CHIA: variants seen among roughly 807,000 people sequenced by gnomAD.
CHIA encodes the protein acidic mammalian chitinase.
CHIA carries 47 observed loss-of-function variants against 53.5 expected under a neutral mutation model. The ratio of observed to expected loss-of-function variants is 0.88; its 90% confidence interval spans 0.70 to 1.12. The LOEUF (loss-of-function observed/expected upper bound fraction) is 1.12, where lower values mean the gene tolerates loss of function less well. CHIA is among the 50% of genes most tolerant of loss of function. The pLI is 0.00. For missense variants in CHIA, 652 were observed against 592.2 expected, an observed-to-expected ratio of 1.10 and a Z score of -1.05; for synonymous variants, 268 against 222.2, an observed-to-expected ratio of 1.21 and a Z score of -1.83.
intron 1 of CHIA, among the ~76,000 whole-genome samples, chr1:111,291,844 G>T (rs1361112016): frequency 6.6e-6 from 1 of 150,882 alleles, no homozygotes; most frequent in Non-Finnish European, 1.5e-5. Flanking sequence ...GGGGGGTGGG[G>T]GTAGGGAAAG....
rs769643079 is a variant in CHIA at position 111,320,504 on chromosome 1, T to C, written c.*38T>C. ...CTATATTCCCTAGAGTTCCAGTCTC[T>C]TTTGCTTAGGACATGTTGCCCCTAC... is the stretch of plus-strand genomic sequence containing the variant. On this transcript the variant is annotated 3_prime_UTR_variant, in exon 12 of 12. Transcript: ENST00000369740. The C allele has an allele frequency of 8.2e-6, 13 of 1,592,152 alleles. No homozygotes were observed. Among genetic ancestry groups the C allele is most frequent in the Non-Finnish European group, 1.0e-5 (12 of 1,162,568 alleles).
intron 1 of CHIA, among the ~76,000 whole-genome samples, chr1:111,296,552 A>G (rs1661349918): frequency 1.3e-5 from 2 of 152,210 alleles, no homozygotes; most frequent in South Asian, 4.1e-4. Flanking sequence ...AATCCACACC[A>G]AAACCCCATC....
In CHIA at chr1:111,320,469, C is replaced by A. The variant is rs2101658664; in HGVS notation, c.*3C>A. The A allele has an allele frequency of 6.2e-7, 1 of 1,612,780 alleles. No homozygotes were observed. On this transcript the variant is annotated 3_prime_UTR_variant, in exon 12 of 12. Coordinates refer to ENST00000369740, the MANE Select transcript of CHIA (RefSeq NM_201653.4). Reference sequence around the variant, plus strand: ...GTGATTGCTGCAACTGGGCATAAACCTGACCTGGTCTATATTCCCTAGAGT... The same window carrying A: ...GTGATTGCTGCAACTGGGCATAAACATGACCTGGTCTATATTCCCTAGAGT...
At chr1:111,297,609 C>T (rs1436117158) in intron 1 of CHIA, among the ~76,000 whole-genome samples, 1 of 152,120 alleles carries the variant, frequency 6.6e-6, no homozygotes, top group African/African-American at 2.4e-5. Flanking sequence ...TGGTACCAGC[C>T]ACTACAAAAA....
intron 1 of CHIA, among the ~76,000 whole-genome samples, chr1:111,310,067 A>G (rs183374970): frequency 7.2e-4 from 109 of 152,328 alleles, no homozygotes; most frequent in African/African-American, 2.5e-3. Flanking sequence ...TAACTTCCAA[A>G]GTTTCTTTTT....
At chr1:111,310,588 C>A in intron 2 of CHIA, 96 bp downstream of exon 2, 1 of 1,567,206 alleles carries the variant, frequency 6.4e-7, no homozygotes, top group Middle Eastern at 1.7e-4. Context: ...TACTACATCC[C>A]TATACTTTTC....
In CHIA at chr1:111,315,029, A is replaced by G. The variant is rs550878258; in HGVS notation, c.315-241A>G. On this transcript the variant is annotated intron_variant, in intron 5 of 11. Coordinates refer to ENST00000369740, the MANE Select transcript of CHIA (RefSeq NM_201653.4). ...CTGGGTTTGCCAGGTATCCAAAGAA[A>G]CAAGGGCAACTTGGGAGAAAGAGCA... 5 of 465,150 alleles carry G rather than the reference A, an allele frequency of 1.1e-5. No individual in the cohort carries two copies. The Admixed American group carries it at 1.1e-4, about 10-fold the overall frequency. 28.8% of individuals were successfully genotyped at this position (465,150 alleles called of 1,614,324 possible). A position where few individuals can be genotyped will look rare whatever the true frequency, so the allele number is the denominator to read the frequency against.
rs760673420 is a variant in CHIA, at chr1:111,319,394, C to T, written c.1103C>T (p.Thr368Ile). The T allele has an allele frequency of 4.3e-5, 69 of 1,613,980 alleles. 1 individual carries two copies. In the South Asian group the frequency reaches 7.0e-4, roughly 16 times the overall value. Residue 368 changes from threonine (T) to isoleucine (I), a missense_variant, in exon 11 of 12, where the codon ACT (threonine) becomes ATT (isoleucine). By Grantham distance (89) the Thr-to-Ile change is moderately conservative. Coordinates refer to ENST00000369740, the MANE Select transcript of CHIA (RefSeq NM_201653.4). ...TGGGCCATTGATCTGGATGACTTCA[C>T]TGGCACTTTCTGCAACCAGGGCAAG... ...MVWAIDLDDF[T>I]GTFCNQGKFP... is the part of the protein sequence containing the mutation.
Position 111,295,029 on chromosome 1 carries a change from T to A in CHIA, c.-69+4079T>A, listed in dbSNP as rs540628087. On this transcript the variant is annotated intron_variant, in intron 1 of 11. Coordinates refer to ENST00000369740, the MANE Select transcript of CHIA (RefSeq NM_201653.4). ...TTATCTGGCTTTGATATTACAGTAA[T>A]GCTGGACATATAGAATGAGTCAGAA... 9.6e-4 allele frequency among the ~76,000 whole-genome samples: 146 copies of A among 152,358 alleles called. 1 individual carries two copies. The highest frequency in any genetic ancestry group is 1.7e-3 in the Non-Finnish European group (116 of 68,036).
chr1:111,308,308 T>G (rs548045637), intron 1 of CHIA, among the ~76,000 whole-genome samples: 1 of 152,366 alleles, frequency 6.6e-6, no homozygotes, highest in South Asian at 2.1e-4. Flanking sequence ...CTTTGCTGTT[T>G]GTTTTTGCAA....
rs187663354 is a variant in CHIA at position 111,314,597 on chromosome 1, G to A, written c.314+1G>A. On this transcript the variant is annotated splice_donor_variant, in intron 5 of 11. Transcript: ENST00000369740. LOFTEE classifies it high-confidence loss of function. ...GAGGCTGGAACTTCGGGACTGCCCC[G>A]TAAGTCTTCTATGGAGAGCATGTTG... 324 of 1,610,884 alleles carry A rather than the reference G, an allele frequency of 2.0e-4. No homozygotes were observed. The highest frequency in any genetic ancestry group is 1.7e-3 in the African/African-American group (128 of 74,964).
intron 1 of CHIA, among the ~76,000 whole-genome samples, chr1:111,293,137 T>G (rs949855303): frequency 6.6e-6 from 1 of 151,798 alleles, no homozygotes; most frequent in Non-Finnish European, 1.5e-5. Context: ...ATTCTATGTA[T>G]GATTTTTTTA....
intron 1 of CHIA, among the ~76,000 whole-genome samples, chr1:111,291,177 A>G (rs1305740706): frequency 1.3e-5 from 2 of 152,146 alleles, no homozygotes; most frequent in East Asian, 3.9e-4. Flanking sequence ...ACCCAAAGGG[A>G]TATAAATCAT....
At position 111,317,644 on chromosome 1, in the gene CHIA, C is replaced by T. The variant is rs760227553; in HGVS notation, c.481-37C>T. 4 of 1,612,132 alleles carry T rather than the reference C, an allele frequency of 2.5e-6. No homozygotes were observed. The South Asian group carries it at 3.3e-5, about 13-fold the overall frequency. On this transcript the variant is annotated intron_variant, in intron 6 of 11. Transcript: ENST00000369740. ...GTATTATTTAAGGAGCTAAAATCAG[C>T]ATCATAGATGTCCTATTATGCCTTA...
At chr1:111,310,630 G>C in intron 2 of CHIA, 138 bp downstream of exon 2, 1 of 1,501,072 alleles carries the variant, frequency 6.7e-7, no homozygotes, top group South Asian at 1.4e-5. Flanking sequence ...AATTTCAAAT[G>C]AATCTTGTTA....
chr1:111,318,614 C>T lies in CHIA; in HGVS notation c.851C>T (p.Pro284Leu), dbSNP rs1557750061. ...CCCTCCAACACTGGAATTGGTGCCC[C>T]CACCTCTGGTGCTGGTCCTGCTGGG... The part of the protein sequence containing the change: ...SNPSNTGIGA[P>L]TSGAGPAGPY... Residue 284 changes from proline to leucine, a missense_variant, in exon 9 of 12, where the codon CCC becomes CTC. Physicochemically the swap from Pro to Leu is moderately conservative, Grantham distance 98 (BLOSUM62 -3). Transcript: ENST00000369740. 2 of 1,614,190 alleles carry T rather than the reference C, an allele frequency of 1.2e-6. No individual in the cohort carries two copies. Among genetic ancestry groups the T allele is most frequent in the African/African-American group, 1.3e-5 (1 of 75,046 alleles).
intron 9 of CHIA, 85 bp from the exon 10 acceptor site, chr1:111,319,035 A>C: frequency 6.6e-7 from 1 of 1,506,986 alleles, no homozygotes; most frequent in Non-Finnish European, 8.9e-7. Flanking sequence ...CCCCAACTGG[A>C]GACATGAAAG....
chr1:111,306,133 T>G (rs943633012), intron 1 of CHIA, among the ~76,000 whole-genome samples: 1 of 152,166 alleles, frequency 6.6e-6, no homozygotes, highest in African/African-American at 2.4e-5. Context: ...CTTAAAATCA[T>G]GAAGATTTTC....
At chr1:111,293,584 A>G (rs902407340) in intron 1 of CHIA, among the ~76,000 whole-genome samples, 1 of 152,206 alleles carries the variant, frequency 6.6e-6, no homozygotes, top group Non-Finnish European at 1.5e-5. Context: ...AACATTTAAA[A>G]TATTCATGAA....
Sources: allele counts gnomAD v4.1 joint callset (sites outside exome capture counted in the v4.1 genomes callset), GRCh38; gene constraint gnomAD v4.1.1; transcripts MANE v1.5; gene names NCBI Gene and HGNC (gene_info 2026-07-23, HGNC 2026-07-21).